The following GYPC variants were observed in gnomAD, a reference collection of about 807,000 sequenced individuals.
GYPC encodes the protein glycophorin C (Gerbich blood group), also known as glycophorin-C.
GYPC carries 14 observed loss-of-function variants against 12.6 expected under a neutral mutation model. The ratio of observed to expected loss-of-function variants is 1.11; its 90% CI spans 0.74 to 1.74. GYPC has a LOEUF of 1.74. Ranked by LOEUF, GYPC falls within the 40% of genes most tolerant of loss-of-function variation. The pLI, the probability that GYPC is intolerant of heterozygous loss-of-function variation, is 0.00. For synonymous variants in GYPC, 78 were observed against 62.1 expected, an observed-to-expected ratio of 1.26 and a Z score of -1.20; for missense variants, 225 against 172.1, an observed-to-expected ratio of 1.31 and a Z score of -1.72.
intron 1 of GYPC, among the ~76,000 whole-genome samples, chr2:126,660,831 T>C (rs753696391): frequency 6.6e-6 from 1 of 152,072 alleles, no homozygotes; most frequent in Non-Finnish European, 1.5e-5. Context: ...AAACAAATTC[T>C]AAAGGCACAG....
At chr2:126,684,926 G>A (rs150270958) in intron 1 of GYPC, among the ~76,000 whole-genome samples, 25 of 152,224 alleles carry the variant, frequency 1.6e-4, no homozygotes, top group East Asian at 1.4e-3. Flanking sequence ...TCAGGGGGAC[G>A]CGCACCATAT....
chr2:126,690,378 A>T (rs1424772896), intron 2 of GYPC, 67 bp downstream of exon 2: 2 of 1,187,868 alleles, frequency 1.7e-6, no homozygotes, highest in Non-Finnish European at 2.5e-6. Context: ...CTCTCATCAC[A>T]GAGCCCTTTA....
intron 1 of GYPC, among the ~76,000 whole-genome samples, chr2:126,663,677 A>G (rs1359458369): frequency 2.0e-5 from 3 of 152,190 alleles, no homozygotes; most frequent in Non-Finnish European, 4.4e-5. Context: ...GTCTGCAAAG[A>G]GTGCCCTGGG....
At position 126,696,320 on chromosome 2, in the gene GYPC, C is replaced by T. The variant is rs1037276497; in HGVS notation, c.*178C>T. 3.9e-4 allele frequency: 252 copies of T among 641,568 alleles called. 1 individual carries two copies. Among genetic ancestry groups the T allele is most frequent in the Admixed American group, 1.2e-3 (52 of 45,150 alleles). 39.7% of individuals were successfully genotyped at this position (641,568 alleles called of 1,614,324 possible). On this transcript the variant is annotated 3_prime_UTR_variant, in exon 4 of 4. Transcript: ENST00000259254. ...CCAGGGAGGAACGGAGGAGGACTCG[C>T]GCTACAAGAGGCCACTCCCAGGGAC...
chr2:126,670,596 G>A (rs776847459), intron 1 of GYPC, among the ~76,000 whole-genome samples: 1 of 152,180 alleles, frequency 6.6e-6, no homozygotes, highest in Admixed American at 6.5e-5. Flanking sequence ...CACAGGCTTC[G>A]AGGGGGCCAG....
chr2:126,688,275 A>G (rs1015318314), intron 1 of GYPC, among the ~76,000 whole-genome samples: 2 of 152,208 alleles, frequency 1.3e-5, no homozygotes, highest in African/African-American at 4.8e-5. Context: ...AGTTCTGGGT[A>G]TTTGAGCTTC....
intron 1 of GYPC, among the ~76,000 whole-genome samples, chr2:126,674,135 C>T (rs1366352158): frequency 1.3e-5 from 2 of 152,144 alleles, no homozygotes; most frequent in East Asian, 3.9e-4. Context: ...GCCTTCTTTC[C>T]ATCCTCTTAT....
chr2:126,671,173 C>T (rs1682842791), intron 1 of GYPC, among the ~76,000 whole-genome samples: 1 of 152,224 alleles, frequency 6.6e-6, no homozygotes, highest in Admixed American at 6.5e-5. Flanking sequence ...TGACCTTCCA[C>T]TGCCCAGGCT....
At position 126,674,852 on chromosome 2, in the gene GYPC, T is replaced by C. The variant is rs548865707; in HGVS notation, c.50-15403T>C. 1.8e-3 allele frequency among the ~76,000 whole-genome samples: 269 copies of C among 152,338 alleles called. 1 individual carries two copies. The highest frequency in any genetic ancestry group is 6.3e-3 in the African/African-American group (262 of 41,574). On this transcript the variant is annotated intron_variant, in intron 1 of 3. Coordinates refer to ENST00000259254, the MANE Select transcript of GYPC (RefSeq NM_002101.5). ...TTTTACCTTCAGAAGTTAACTTTTTTCCTCAGCTTCTGTTACTGTTAACCC... is the reference window on the plus strand; with the variant it reads ...TTTTACCTTCAGAAGTTAACTTTTTCCCTCAGCTTCTGTTACTGTTAACCC...
Position 126,695,980 on chromosome 2 carries a change from C to T in GYPC, c.225C>T (p.Ser75=). ...VIAAVAIVLV[S]LLFVMLRYMY... The stretch of plus-strand genomic sequence containing the variant: ...CTGCTGTGGCCATCGTCCTAGTCTC[C>T]CTCCTCTTCGTCATGCTGCGCTACA... The change falls in exon 4 of 4, where the codon TCC becomes TCT. Residue 75 remains serine, a synonymous_variant. Transcript: ENST00000259254. 1 of 1,614,106 alleles carries T rather than the reference C, an allele frequency of 6.2e-7. No individual in the cohort carries two copies. Among genetic ancestry groups the T allele is most frequent in the African/African-American group, 1.3e-5 (1 of 75,050 alleles).
At chr2:126,690,374 T>C in intron 2 of GYPC, 63 bp downstream of exon 2, 2 of 1,209,078 alleles carry the variant, frequency 1.7e-6, no homozygotes, top group Middle Eastern at 1.9e-4. Context: ...TGAGCTCTCA[T>C]CACAGAGCCC....
In GYPC at chr2:126,663,705, C is replaced by T. The variant is rs114761464; in HGVS notation, c.49+7393C>T. ...GCCCTGGGCCCCAGCATTCACTGCA[C>T]CCTCTCCCTGCCCTGGGCAAGGCCC... On this transcript the variant is annotated intron_variant, in intron 1 of 3. Coordinates refer to ENST00000259254, the MANE Select transcript of GYPC (RefSeq NM_002101.5). Among the ~76,000 whole-genome samples the T allele has an allele frequency of 9.5e-3, 1,442 of 152,280 alleles. 27 individuals carry two copies. The highest frequency in any genetic ancestry group is 0.033 in the African/African-American group (1,382 of 41,546).
chr2:126,662,893 T>A (rs1406111382), intron 1 of GYPC, among the ~76,000 whole-genome samples: 1 of 152,180 alleles, frequency 6.6e-6, no homozygotes, highest in Admixed American at 6.6e-5. Context: ...CCCTGCTCCC[T>A]CCTTGCTCTC....
intron 1 of GYPC, among the ~76,000 whole-genome samples, chr2:126,677,492 A>AGT (rs70985425): frequency 0.4 from 59,225 of 148,820 alleles, 13,232 homozygotes; most frequent in East Asian, 0.5. Context: ...TGTGAGTCTG[A>AGT]GTGTGTGTAT....
At chr2:126,661,474 C>T (rs576833799) in intron 1 of GYPC, among the ~76,000 whole-genome samples, 10 of 144,242 alleles carry the variant, frequency 6.9e-5, no homozygotes, top group African/African-American at 2.3e-4. Flanking sequence ...TTTTTTGATA[C>T]GGAGTTTTGC....
At chr2:126,685,785 G>C in intron 1 of GYPC, 1 of 985,154 alleles carries the variant, frequency 1.0e-6, no homozygotes, top group Non-Finnish European at 1.2e-6. Flanking sequence ...CAACGTTGCT[G>C]TTGCTGCTGC....
At chr2:126,687,320 T>C (rs1392633888) in intron 1 of GYPC, among the ~76,000 whole-genome samples, 1 of 152,220 alleles carries the variant, frequency 6.6e-6, no homozygotes, top group Non-Finnish European at 1.5e-5. Context: ...ACAGCATGAA[T>C]CAGAATCTAC....
chr2:126,674,381 T>C (rs1415857180), intron 1 of GYPC, among the ~76,000 whole-genome samples: 2 of 152,120 alleles, frequency 1.3e-5, no homozygotes, highest in East Asian at 1.9e-4. Context: ...AAAACTTCCT[T>C]ACTTTCTGAG....
rs1415483425 is a variant in GYPC at position 126,659,238 on chromosome 2, G to A, written c.49+2926G>A. ...GCATGTTTTCTTACTTCCATAAGAGGTTGTATTACTTTTCGGGGAAGTGTC... is the reference window on the plus strand; with the variant it reads ...GCATGTTTTCTTACTTCCATAAGAGATTGTATTACTTTTCGGGGAAGTGTC... On this transcript the variant is annotated intron_variant, in intron 1 of 3. Transcript: ENST00000259254. 2.0e-5 allele frequency among the ~76,000 whole-genome samples: 3 copies of A among 152,186 alleles called. No individual in the cohort carries two copies. The East Asian group carries it at 5.8e-4, about 29-fold the overall frequency.
Sources: gnomAD v4.1 joint callset for allele counts (sites outside exome capture counted in the v4.1 genomes callset) on GRCh38, gnomAD v4.1.1 for gene constraint, MANE v1.5 for transcripts, NCBI Gene and HGNC (gene_info 2026-07-23, HGNC 2026-07-21) for gene names.